Variants in TEX36 observed in about 807,000 individuals in gnomAD.
TEX36 encodes the protein testis-expressed protein 36.
A neutral mutation model predicts 13.6 loss-of-function variants in TEX36; 12 were observed. The ratio of observed to expected loss-of-function variants is 0.88; its 90% CI spans 0.56 to 1.43. The LOEUF (loss-of-function observed/expected upper bound fraction) is 1.43. Ranked by LOEUF, TEX36 falls within the 40% of genes most tolerant of loss-of-function variation. TEX36 has a pLI of 0.00. For missense variants in TEX36, 224 were observed against 228.3 expected, an observed-to-expected ratio of 0.98 and a Z score of 0.12; for synonymous variants, 93 against 83.0, an observed-to-expected ratio of 1.12 and a Z score of -0.65.
intron 3 of TEX36, among the ~76,000 whole-genome samples, chr10:125,635,007 G>C (rs1846605688): frequency 6.6e-6 from 1 of 152,190 alleles, no homozygotes; most frequent in Admixed American, 6.5e-5. Flanking sequence ...GAATGATGAG[G>C]TCTTCCCTTA....
chr10:125,681,667 T>A (rs924141575), intron 1 of TEX36, among the ~76,000 whole-genome samples: 1 of 152,260 alleles, frequency 6.6e-6, no homozygotes, highest in African/African-American at 2.4e-5. Flanking sequence ...TGTATTATTT[T>A]ATTGTGTACA....
intron 1 of TEX36, chr10:125,668,036 T>C: frequency 3.0e-6 from 2 of 659,934 alleles, no homozygotes; most frequent in Non-Finnish European, 5.5e-6. Flanking sequence ...TCAACAGAAA[T>C]AAATCTTTGG....
downstream of TEX36, among the ~76,000 whole-genome samples, chr10:125,618,572 G>C: frequency 6.6e-6 from 1 of 152,004 alleles, no homozygotes; most frequent in Admixed American, 6.6e-5. Flanking sequence ...TGCCCCTGCT[G>C]GGGGGTGCCT....
chr10:125,590,449 G>T (rs908246623), intron 3 of TEX36, among the ~76,000 whole-genome samples: 2 of 152,034 alleles, frequency 1.3e-5, no homozygotes, highest in Non-Finnish European at 2.9e-5. Context: ...AAGGTGGGGG[G>T]CAGCTAATAA....
At chr10:125,671,469 T>C (rs1847228245) in intron 1 of TEX36, among the ~76,000 whole-genome samples, 1 of 152,156 alleles carries the variant, frequency 6.6e-6, no homozygotes, top group Admixed American at 6.5e-5. Context: ...CCTTGCATCC[T>C]GGGGATGAAG....
At chr10:125,576,865 T>C in exon 4 of TEX36, 1 of 1,536,130 alleles carries the variant, frequency 6.5e-7, no homozygotes, top group Non-Finnish European at 8.7e-7. Flanking sequence ...TCCGTTGCTG[T>C]CATTCTTTCC....
At chr10:125,612,946 T>C (rs1846308401) in intron 3 of TEX36, among the ~76,000 whole-genome samples, 1 of 152,114 alleles carries the variant, frequency 6.6e-6, no homozygotes, top group South Asian at 2.1e-4. Flanking sequence ...ATTTCCATCA[T>C]TCTTATATCA....
rs543408335 is a variant in TEX36, at chr10:125,680,101, C to T, written c.51+2838G>A. On this transcript the variant is annotated intron_variant, in intron 1 of 3. Transcript: ENST00000368821. ...ATATCTTTCTCATTCATTCTATCTTCTATTTTTAAAATGTTTTCCAAAGAA... is the reference window on the plus strand; with the variant it reads ...ATATCTTTCTCATTCATTCTATCTTTTATTTTTAAAATGTTTTCCAAAGAA... Among the ~76,000 whole-genome samples, 21 of 152,300 alleles carry T rather than the reference C, an allele frequency of 1.4e-4. 1 individual carries two copies. The South Asian group carries it at 4.4e-3, about 32-fold the overall frequency.
At chr10:125,646,201 C>T (rs1200534757) in intron 3 of TEX36, among the ~76,000 whole-genome samples, 1 of 152,100 alleles carries the variant, frequency 6.6e-6, no homozygotes, top group Non-Finnish European at 1.5e-5. Context: ...TGGTGTGCAC[C>T]TGTAGTTCCA....
chr10:125,603,515 C>A (rs1267958363), intron 3 of TEX36, among the ~76,000 whole-genome samples: 1 of 152,130 alleles, frequency 6.6e-6, no homozygotes, highest in East Asian at 1.9e-4. Context: ...GTTGACGAAC[C>A]TTATACTGCA....
chr10:125,649,972 T>A (rs959148137), intron 3 of TEX36, among the ~76,000 whole-genome samples: 1 of 152,170 alleles, frequency 6.6e-6, no homozygotes, highest in Non-Finnish European at 1.5e-5. Flanking sequence ...ATGCACCCAA[T>A]ACAGGAGCAC....
chr10:125,652,432 A>T (rs914288437), downstream of TEX36, among the ~76,000 whole-genome samples: 1 of 152,252 alleles, frequency 6.6e-6, no homozygotes, highest in Admixed American at 6.5e-5. Flanking sequence ...CTGGCTAGCC[A>T]TATGTAGAAA....
At chr10:125,639,650 G>T (rs1260175190) in intron 3 of TEX36, among the ~76,000 whole-genome samples, 2 of 152,180 alleles carry the variant, frequency 1.3e-5, no homozygotes, top group African/African-American at 4.8e-5. Context: ...GCCATATTAA[G>T]GAATGAGCTG....
At chr10:125,608,908 G>A (rs1450699007) in intron 3 of TEX36, among the ~76,000 whole-genome samples, 1 of 150,544 alleles carries the variant, frequency 6.6e-6, no homozygotes, top group Non-Finnish European at 1.5e-5. Flanking sequence ...GCCGAGGAAG[G>A]CGGATCACTT....
chr10:125,624,220 C>A (rs1565177096), intron 3 of TEX36, among the ~76,000 whole-genome samples: 1 of 152,206 alleles, frequency 6.6e-6, no homozygotes, highest in East Asian at 1.9e-4. Context: ...TCTCCCAAGA[C>A]CTCCCTGCCA....
downstream of TEX36, among the ~76,000 whole-genome samples, chr10:125,619,444 G>A (rs1459997608): frequency 6.6e-6 from 1 of 152,030 alleles, no homozygotes; most frequent in Non-Finnish European, 1.5e-5. Context: ...CATAGTAGAG[G>A]TCTCCACCAC....
intron 1 of TEX36, among the ~76,000 whole-genome samples, chr10:125,663,703 T>A (rs1164600788): frequency 2.0e-5 from 3 of 152,118 alleles, no homozygotes; most frequent in Non-Finnish European, 2.9e-5. Flanking sequence ...TCTCCTTTTT[T>A]AAATTTTTTA....
chr10:125,653,140 T>A (rs185268186), downstream of TEX36, among the ~76,000 whole-genome samples: 45 of 152,302 alleles, frequency 3.0e-4, no homozygotes, highest in African/African-American at 1.0e-3. Context: ...TTACTGGGCA[T>A]ATACCCAAAG....
intron 3 of TEX36, among the ~76,000 whole-genome samples, chr10:125,582,056 C>T (rs1486235616): frequency 6.6e-6 from 1 of 152,166 alleles, no homozygotes; most frequent in Non-Finnish European, 1.5e-5. Flanking sequence ...GGGTGGTTTT[C>T]CCTACTCAGC....
Sources: allele counts gnomAD v4.1 joint callset (sites outside exome capture counted in the v4.1 genomes callset), GRCh38; gene constraint gnomAD v4.1.1; transcripts MANE v1.5; gene names NCBI Gene and HGNC (gene_info 2026-07-23, HGNC 2026-07-21).